The following OR2V1 variants were observed in gnomAD, a reference collection of about 807,000 sequenced individuals.
OR2V1 encodes the protein olfactory receptor 2V1.
In OR2V1, 18 loss-of-function variants were observed where a neutral mutation model predicts 15.0. The observed-to-expected ratio is 1.20, with a 90% CI of 0.83 to 1.78. The LOEUF (loss-of-function observed/expected upper bound fraction) is 1.78, where lower values mean the gene tolerates loss of function less well. OR2V1 is among the 40% of genes most tolerant of loss of function. The pLI is 0.00. For synonymous variants in OR2V1, 144 were observed against 146.1 expected (o/e 0.99, Z 0.10); for missense variants, 359 against 392.9 (o/e 0.91, Z 0.73).
At chr5:181,128,748 C>G (rs1422826548) in intron 3 of OR2V1, among the ~76,000 whole-genome samples, 1 of 152,152 alleles carries the variant, frequency 6.6e-6, no homozygotes. Flanking sequence ...CCTTCCCTGC[C>G]TTGGTTCCCA....
At chr5:181,126,810 A>G (rs1762878789) in intron 3 of OR2V1, among the ~76,000 whole-genome samples, 1 of 151,750 alleles carries the variant, frequency 6.6e-6, no homozygotes, top group Non-Finnish European at 1.5e-5. Context: ...ACACACCCAG[A>G]CACATGGACA....
chr5:181,124,593 C>CT lies in OR2V1; in HGVS notation c.711dup (p.Ala238SerfsTer27), dbSNP rs952412770. ...AGGTGGGAGGAGCAGGTGGCCAGGG[C>CT]TTTTTTCCAGGCCTGAGCAGAGCGT... On this transcript the variant is annotated frameshift_variant, in exon 4 of 4. Coordinates refer to ENST00000641551, the MANE Select transcript of OR2V1 (RefSeq NM_001258283.2). LOFTEE classifies it high-confidence loss of function. The CT allele has an allele frequency of 6.2e-7, 1 of 1,613,078 alleles. No individual in the cohort carries two copies. Among genetic ancestry groups the CT allele is most frequent in the Non-Finnish European group, 8.5e-7 (1 of 1,179,478 alleles).
chr5:181,130,826 C>CA (rs1762951163), intron 1 of OR2V1, among the ~76,000 whole-genome samples: 5 of 152,134 alleles, frequency 3.3e-5, no homozygotes, highest in Non-Finnish European at 7.4e-5. Flanking sequence ...ACATTGCCCC[C>CA]CCACACACAC....
At position 181,125,314 on chromosome 5, in the gene OR2V1, G is replaced by A; in HGVS notation, c.-10C>T. The A allele has an allele frequency of 1.9e-6, 3 of 1,606,654 alleles. No homozygotes were observed. Among genetic ancestry groups the A allele is most frequent in the Non-Finnish European group, 2.6e-6 (3 of 1,175,712 alleles). On this transcript the variant is annotated 5_prime_UTR_variant, in exon 4 of 4. Coordinates refer to ENST00000641551, the MANE Select transcript of OR2V1 (RefSeq NM_001258283.2). ...TCACCCATCTTCCCATGGCTTAGTT[G>A]TTCACTGTCACCTGAGAACATAAGA...
At chr5:181,127,935 C>T (rs2113328907) in intron 3 of OR2V1, among the ~76,000 whole-genome samples, 1 of 151,830 alleles carries the variant, frequency 6.6e-6, no homozygotes, top group East Asian at 2.0e-4. Flanking sequence ...TCTTAAACTA[C>T]AATACTGCAT....
intron 3 of OR2V1, among the ~76,000 whole-genome samples, chr5:181,127,409 A>G (rs1439255144): frequency 6.6e-6 from 1 of 152,198 alleles, no homozygotes; most frequent in Non-Finnish European, 1.5e-5. Flanking sequence ...AAACATCTTC[A>G]GATGCTTACA....
chr5:181,128,503 C>A, intron 3 of OR2V1, among the ~76,000 whole-genome samples: 1 of 152,218 alleles, frequency 6.6e-6, no homozygotes, highest in East Asian at 1.9e-4. Context: ...CCACCACCCA[C>A]GCCTTTCCTT....
At chr5:181,126,838 A>T (rs1303109239) in intron 3 of OR2V1, among the ~76,000 whole-genome samples, 1 of 151,638 alleles carries the variant, frequency 6.6e-6, no homozygotes, top group Non-Finnish European at 1.5e-5. Flanking sequence ...ATACACACAC[A>T]CCCCGCACGT....
intron 3 of OR2V1, 68 bp from the exon 4 acceptor site, chr5:181,125,393 A>G (rs1278793838): frequency 8.4e-7 from 1 of 1,186,958 alleles, no homozygotes; most frequent in Non-Finnish European, 1.2e-6. Context: ...TCTTCAGTTC[A>G]ACAGCGTATG....
At chr5:181,126,755 C>A (rs1188956670) in intron 3 of OR2V1, among the ~76,000 whole-genome samples, 4 of 152,108 alleles carry the variant, frequency 2.6e-5, no homozygotes, top group African/African-American at 4.8e-5. Flanking sequence ...CACACAGAGT[C>A]ATACACAAAT....
chr5:181,128,198 A>G (rs1762905543), intron 3 of OR2V1, among the ~76,000 whole-genome samples: 1 of 150,994 alleles, frequency 6.6e-6, no homozygotes, highest in South Asian at 2.1e-4. Flanking sequence ...CTCCTCACAC[A>G]CACACACACA....
chr5:181,129,090 G>A (rs559003791), intron 3 of OR2V1, among the ~76,000 whole-genome samples: 9 of 152,218 alleles, frequency 5.9e-5, no homozygotes, highest in South Asian at 4.1e-4. Flanking sequence ...AATTAGCCAG[G>A]CTATTGTGGC....
chr5:181,124,606 C>G lies in OR2V1; in HGVS notation c.699G>C (p.Gln233His), dbSNP rs779565767. 6.2e-7 allele frequency: 1 copy of G among 1,613,560 alleles called. No individual in the cohort carries two copies. The highest frequency in any genetic ancestry group is 1.1e-5 in the South Asian group (1 of 91,014). ...AGGTGGCCAGGGCTTTTTTCCAGGC[C>G]TGAGCAGAGCGTATTCGGAGCACAG... ...LGAVLRIRSA[Q>H]AWKKALATCS... The change falls in exon 4 of 4, where the codon CAG becomes CAC. Residue 233 changes from glutamine to histidine, a missense_variant. Physicochemically the swap from Gln to His is conservative, Grantham distance 24 (BLOSUM62 0). Coordinates refer to ENST00000641551, the MANE Select transcript of OR2V1 (RefSeq NM_001258283.2).
At chr5:181,127,754 A>C (rs934431678) in intron 3 of OR2V1, among the ~76,000 whole-genome samples, 1 of 151,944 alleles carries the variant, frequency 6.6e-6, no homozygotes, top group Non-Finnish European at 1.5e-5. Context: ...CACAGCGACC[A>C]AGCACCATCT....
Position 181,124,915 on chromosome 5 carries a change from T to G in OR2V1, c.390A>C (p.Pro130=). ...GATTCATGAGGATGGGATAGTGAAG[T>G]GGGTGGCTAACGGCCACGTAGCGGT... The part of the protein sequence containing the change: ...AYDRYVAVSH[P]LHYPILMNQR... Residue 130 remains proline, a synonymous_variant, in exon 4 of 4, where the codon CCA becomes CCC. Coordinates refer to ENST00000641551, the MANE Select transcript of OR2V1 (RefSeq NM_001258283.2). The G allele has an allele frequency of 6.2e-7, 1 of 1,613,844 alleles. No homozygotes were observed. Among genetic ancestry groups the G allele is most frequent in the East Asian group, 2.2e-5 (1 of 44,876 alleles).
rs1278223099 is a variant in OR2V1 at position 181,124,914 on chromosome 5, G to A, written c.391C>T (p.Leu131Phe). The part of the protein sequence containing the change: ...YDRYVAVSHP[L>F]HYPILMNQRV... ...TGATTCATGAGGATGGGATAGTGAA[G>A]TGGGTGGCTAACGGCCACGTAGCGG... The change falls in exon 4 of 4, where the codon CTT becomes TTT. Residue 131 changes from leucine (L) to phenylalanine (F), a missense_variant. By Grantham distance (22) the Leu-to-Phe change is conservative. Coordinates refer to ENST00000641551, the MANE Select transcript of OR2V1 (RefSeq NM_001258283.2). 1 of 1,613,896 alleles carries A rather than the reference G, an allele frequency of 6.2e-7. No individual in the cohort carries two copies. Among genetic ancestry groups the A allele is most frequent in the Non-Finnish European group, 8.5e-7 (1 of 1,179,942 alleles).
Position 181,123,402 on chromosome 5 carries a change from C to A in OR2V1, c.*955G>T. On this transcript the variant is annotated 3_prime_UTR_variant, in exon 4 of 4. Coordinates refer to ENST00000641551, the MANE Select transcript of OR2V1 (RefSeq NM_001258283.2). ...TACATTTTAGGGAGACATGAGACAT[C>A]AATCAATGTATGTAAGAAATACACT... The A allele has an allele frequency of 6.5e-6, 1 of 154,144 alleles. No individual in the cohort carries two copies. The highest frequency in any genetic ancestry group is 1.8e-4 in the South Asian group (1 of 5,468). 9.5% of individuals were successfully genotyped at this position (154,144 alleles called of 1,614,324 possible). A position where few individuals can be genotyped will look rare whatever the true frequency, so the allele number is the denominator to read the frequency against.
In OR2V1 at chr5:181,131,144, G is replaced by T. The variant is rs1762957071; in HGVS notation, c.-215C>A. On this transcript the variant is annotated 5_prime_UTR_variant, in exon 1 of 4. Coordinates refer to ENST00000641551, the MANE Select transcript of OR2V1 (RefSeq NM_001258283.2). Reference sequence around the variant, plus strand: ...GGGTCAGTGTCTTCGTGGGCTGCTGGGGATGGGGCTGAAGTCCACGGTTCT... The same window carrying T: ...GGGTCAGTGTCTTCGTGGGCTGCTGTGGATGGGGCTGAAGTCCACGGTTCT... The T allele has an allele frequency of 6.6e-6, 1 of 152,316 alleles. No individual in the cohort carries two copies. Among genetic ancestry groups the T allele is most frequent in the African/African-American group, 2.4e-5 (1 of 41,446 alleles). 9.4% of individuals were successfully genotyped at this position (152,316 alleles called of 1,614,324 possible). A position where few individuals can be genotyped will look rare whatever the true frequency, so the allele number is the denominator to read the frequency against.
rs770592710 is a variant in OR2V1 at position 181,124,358 on chromosome 5, C to T, written c.947G>A (p.Ter316=). Residue 316 remains the stop codon, a stop_retained_variant, in exon 4 of 4, where the codon TGA becomes TAA. Coordinates refer to ENST00000641551, the MANE Select transcript of OR2V1 (RefSeq NM_001258283.2). The part of the protein sequence containing the change: ...LDRCRIGSQH[*] ...ACAGCAGGCACCAGACTCTGGGGTT[C>T]AGTGCTGGCTGCCAATCCTGCAGCG... is the stretch of plus-strand genomic sequence containing the variant. The T allele has an allele frequency of 6.4e-7, 1 of 1,564,702 alleles. No homozygotes were observed. The highest frequency in any genetic ancestry group is 1.2e-5 in the South Asian group (1 of 83,604).
Sources: allele counts gnomAD v4.1 joint callset (sites outside exome capture counted in the v4.1 genomes callset), GRCh38; gene constraint gnomAD v4.1.1; transcripts MANE v1.5; gene names NCBI Gene and HGNC (gene_info 2026-07-23, HGNC 2026-07-21).